Variants in ERBB4 observed in about 807,000 individuals in gnomAD.
ERBB4 encodes the protein receptor tyrosine-protein kinase erbB-4.
In ERBB4, 42 loss-of-function variants were observed where a neutral mutation model predicts 158.0. That is an observed-to-expected ratio of 0.27 (90% CI 0.21 to 0.34). The LOEUF is 0.34. Among genes scored for constraint, ERBB4 ranks in the 10% least tolerant of loss-of-function variants. The pLI, the probability that ERBB4 is intolerant of heterozygous loss-of-function variation, is 1.00. For synonymous variants in ERBB4, 583 were observed against 558.7 expected, an observed-to-expected ratio of 1.04 and a Z score of -0.61; for missense variants, 1,333 against 1,624.1, an observed-to-expected ratio of 0.82 and a Z score of 3.08.
intron 1 of ERBB4, among the ~76,000 whole-genome samples, chr2:212,424,102 C>T (rs1266742519): frequency 6.6e-6 from 1 of 151,928 alleles, no homozygotes; most frequent in East Asian, 1.9e-4. Context: ...AGCATTTTAT[C>T]TTAGAATTCA....
intron 2 of ERBB4, among the ~76,000 whole-genome samples, chr2:212,005,936 C>T (rs2076248733): frequency 6.6e-6 from 1 of 151,910 alleles, no homozygotes. Context: ...AAAATAAATA[C>T]ATAAATAACA....
chr2:212,530,877 T>C (rs1166850817), intron 1 of ERBB4, among the ~76,000 whole-genome samples: 1 of 152,220 alleles, frequency 6.6e-6, no homozygotes, highest in Non-Finnish European at 1.5e-5. Flanking sequence ...GTGTTTATTG[T>C]ACCATTCACT....
chr2:212,207,301 T>C (rs1008885092), intron 1 of ERBB4, among the ~76,000 whole-genome samples: 2 of 152,166 alleles, frequency 1.3e-5, no homozygotes, highest in Non-Finnish European at 2.9e-5. Flanking sequence ...GTGGAGTCAA[T>C]ATAAGCAATG....
At chr2:211,761,703 A>G (rs1048442006) in intron 4 of ERBB4, among the ~76,000 whole-genome samples, 11 of 152,234 alleles carry the variant, frequency 7.2e-5, no homozygotes, top group African/African-American at 2.4e-4. Context: ...ATTTATTTCT[A>G]AAGGAGAATG....
At chr2:212,389,014 A>G (rs1240991167) in intron 1 of ERBB4, among the ~76,000 whole-genome samples, 4 of 152,094 alleles carry the variant, frequency 2.6e-5, no homozygotes, top group Admixed American at 2.0e-4. Flanking sequence ...AGCAGCTTTT[A>G]TGTGATCTGA....
intron 1 of ERBB4, among the ~76,000 whole-genome samples, chr2:212,180,511 C>T (rs1036393363): frequency 2.0e-5 from 3 of 151,590 alleles, no homozygotes; most frequent in African/African-American, 7.3e-5. Flanking sequence ...CACTCTATTC[C>T]AACATGACAG....
intron 4 of ERBB4, among the ~76,000 whole-genome samples, chr2:211,772,884 TACAC>T (rs1219517961): frequency 3.9e-4 from 32 of 83,042 alleles, no homozygotes; most frequent in Admixed American, 2.0e-3. Context: ...TATATATATA[TACAC>T]ACACACACAC....
intron 20 of ERBB4, among the ~76,000 whole-genome samples, chr2:211,472,885 C>T (rs1288601888): frequency 6.6e-6 from 1 of 151,196 alleles, no homozygotes; most frequent in Non-Finnish European, 1.5e-5. Flanking sequence ...AACACAACCT[C>T]AACAATAATA....
rs1028610736 is a variant in ERBB4 at position 211,547,777 on chromosome 2, C to T, written c.2487+14126G>A. Among the ~76,000 whole-genome samples, 24 of 151,702 alleles carry T rather than the reference C, an allele frequency of 1.6e-4. 1 individual carries two copies. Among genetic ancestry groups the T allele is most frequent in the African/African-American group, 4.4e-4 (18 of 41,300 alleles). On this transcript the variant is annotated intron_variant, in intron 20 of 27. Coordinates refer to ENST00000342788, the MANE Select transcript of ERBB4 (RefSeq NM_005235.3). ...CTTTTCTGTTAAAAAAAAAAAGTAC[C>T]GTAAAAGTACTAGCTGAAGCATAAA...
intron 1 of ERBB4, among the ~76,000 whole-genome samples, chr2:212,410,883 GATTAT>G (rs1399432736): frequency 6.6e-6 from 1 of 151,960 alleles, no homozygotes; most frequent in Non-Finnish European, 1.5e-5. Context: ...GTTTCTCAAA[GATTAT>G]TTACTGTTAA....
intron 12 of ERBB4, among the ~76,000 whole-genome samples, chr2:211,690,539 T>C (rs1402849420): frequency 6.6e-6 from 1 of 152,150 alleles, no homozygotes; most frequent in East Asian, 1.9e-4. Context: ...AAGAAATCAA[T>C]AATAAACAGG....
At chr2:211,879,004 AC>A (rs2078591231) in intron 3 of ERBB4, among the ~76,000 whole-genome samples, 1 of 152,168 alleles carries the variant, frequency 6.6e-6, no homozygotes, top group Non-Finnish European at 1.5e-5. Context: ...GTGTCCTCTA[AC>A]CCTCTAGGAG....
intron 2 of ERBB4, among the ~76,000 whole-genome samples, chr2:211,968,674 T>A (rs1334068458): frequency 6.6e-6 from 1 of 152,016 alleles, no homozygotes; most frequent in African/African-American, 2.4e-5. Context: ...CATAAAGTCA[T>A]AAGGGAATTC....
chr2:211,990,523 A>AAT (rs765299519), intron 2 of ERBB4, among the ~76,000 whole-genome samples: 1 of 134,442 alleles, frequency 7.4e-6, no homozygotes, highest in East Asian at 2.0e-4. Flanking sequence ...AATAAAAATA[A>AAT]AAATAAATAA....
At chr2:211,524,927 G>A (rs979003042) in intron 20 of ERBB4, among the ~76,000 whole-genome samples, 2 of 152,162 alleles carry the variant, frequency 1.3e-5, no homozygotes, top group Non-Finnish European at 2.9e-5. Context: ...CTGCCAGCAC[G>A]CTGCCACCTC....
intron 12 of ERBB4, among the ~76,000 whole-genome samples, chr2:211,691,981 T>C (rs1004134278): frequency 6.6e-6 from 1 of 152,180 alleles, no homozygotes; most frequent in South Asian, 2.1e-4. Flanking sequence ...AAGGACCTCC[T>C]ATTTCAAAAA....
At position 211,422,191 on chromosome 2, in the gene ERBB4, T is replaced by G; in HGVS notation, c.2867-87A>C. 5 of 865,548 alleles carry G rather than the reference T, an allele frequency of 5.8e-6. No individual in the cohort carries two copies. The South Asian group carries it at 6.7e-5, about 12-fold the overall frequency. 53.6% of individuals were successfully genotyped at this position (865,548 alleles called of 1,614,324 possible). A position where few individuals can be genotyped will look rare whatever the true frequency, so the allele number is the denominator to read the frequency against. ...ATTTTGTGAAAATATGAGCAAAAGT[T>G]TGAAAAATGTTGTTTTAATCGTAAT... On this transcript the variant is annotated intron_variant, in intron 23 of 27. Coordinates refer to ENST00000342788, the MANE Select transcript of ERBB4 (RefSeq NM_005235.3).
chr2:212,377,595 G>C (rs1219550760), intron 1 of ERBB4, among the ~76,000 whole-genome samples: 2 of 151,808 alleles, frequency 1.3e-5, no homozygotes, highest in African/African-American at 2.4e-5. Context: ...CCTGTCTAGG[G>C]GACCTACCTT....
chr2:212,459,418 A>T lies in ERBB4; in HGVS notation c.82+79031T>A, dbSNP rs1305736105. On this transcript the variant is annotated intron_variant, in intron 1 of 27. Coordinates refer to ENST00000342788, the MANE Select transcript of ERBB4 (RefSeq NM_005235.3). ...AAACAAGAAGGTGAAAGATCTCTAAAACTGTAAAGCACTGATGAAAAAAAT... is the reference window on the plus strand; with the variant it reads ...AAACAAGAAGGTGAAAGATCTCTAATACTGTAAAGCACTGATGAAAAAAAT... Among the ~76,000 whole-genome samples, 3 of 152,136 alleles carry T rather than the reference A, an allele frequency of 2.0e-5. 1 individual carries two copies. The highest frequency in any genetic ancestry group is 7.2e-5 in the African/African-American group (3 of 41,454).
Sources: allele counts gnomAD v4.1 joint callset (sites outside exome capture counted in the v4.1 genomes callset), GRCh38; gene constraint gnomAD v4.1.1; transcripts MANE v1.5; gene names NCBI Gene and HGNC (gene_info 2026-07-23, HGNC 2026-07-21).